CATSPERB: variants seen among roughly 807,000 people sequenced by gnomAD.
CATSPERB encodes the protein catsper channel auxiliary subunit beta, also known as cation channel sperm-associated auxiliary subunit beta.
CATSPERB carries 93 observed loss-of-function variants against 128.3 expected under a neutral mutation model. The observed-to-expected ratio is 0.72, with a 90% CI of 0.61 to 0.86. The LOEUF (loss-of-function observed/expected upper bound fraction) is 0.86. Ranked by LOEUF, CATSPERB falls within the 40% of genes least tolerant of loss-of-function variation. The pLI is 0.00. For missense variants in CATSPERB, 1,153 were observed against 1,329.5 expected, an observed-to-expected ratio of 0.87 and a Z score of 2.06; for synonymous variants, 381 against 448.8, an observed-to-expected ratio of 0.85 and a Z score of 1.91.
At position 91,659,920 on chromosome 14, in the gene CATSPERB, A is replaced by G. The variant is rs1894846149; in HGVS notation, c.1349T>C (p.Ile450Thr). 1.2e-6 allele frequency: 2 copies of G among 1,604,854 alleles called. No homozygotes were observed. The highest frequency in any genetic ancestry group is 1.1e-5 in the South Asian group (1 of 88,510). Residue 450 changes from isoleucine (I) to threonine (T), a missense_variant, in exon 15 of 27, where the codon ATC becomes ACC. Coordinates refer to ENST00000256343, the MANE Select transcript of CATSPERB (RefSeq NM_024764.4). ...AAAACTATGAAAAGTCTTCTTTATG[A>G]TATCATCATGAAAGTTAGCTATTAA... is the stretch of plus-strand genomic sequence containing the variant. The part of the protein sequence containing the change: ...FQLIANFHDD[I>T]IKKTFHSFYT...
chr14:91,720,733 TC>T (rs1896013669), intron 4 of CATSPERB, among the ~76,000 whole-genome samples: 1 of 152,246 alleles, frequency 6.6e-6, no homozygotes, highest in Admixed American at 6.5e-5. Flanking sequence ...GGCAAGCTTA[TC>T]CTAAAATTCA....
At chr14:91,710,074 G>C (rs1335755497) in intron 5 of CATSPERB, 1 of 154,424 alleles carries the variant, frequency 6.5e-6, no homozygotes, top group Non-Finnish European at 1.5e-5. Context: ...TCCAGAGGTG[G>C]AATTTGAAGA....
At chr14:91,658,162 G>A (rs1043982173) in intron 15 of CATSPERB, among the ~76,000 whole-genome samples, 1 of 152,036 alleles carries the variant, frequency 6.6e-6, no homozygotes, top group Middle Eastern at 3.2e-3. Context: ...AATGAATAAA[G>A]AAAATATGGT....
chr14:91,664,497 C>A (rs558667109), intron 14 of CATSPERB, among the ~76,000 whole-genome samples: 11 of 152,222 alleles, frequency 7.2e-5, no homozygotes, highest in African/African-American at 2.6e-4. Context: ...AACTCCTGAC[C>A]TCAGGTGATC....
At chr14:91,626,165 A>G (rs957997799) in intron 17 of CATSPERB, among the ~76,000 whole-genome samples, 1 of 152,058 alleles carries the variant, frequency 6.6e-6, no homozygotes, top group African/African-American at 2.4e-5. Context: ...CACAGACTTA[A>G]ATATAAAATG....
chr14:91,640,161 C>T (rs899657015), intron 15 of CATSPERB, among the ~76,000 whole-genome samples: 1 of 152,152 alleles, frequency 6.6e-6, no homozygotes, highest in Non-Finnish European at 1.5e-5. Flanking sequence ...AAACCTCCTC[C>T]AGCCCCAGCC....
In CATSPERB at chr14:91,624,800, TATG is replaced by T. The variant is rs757636481; in HGVS notation, c.1930+17_1930+19del. 2.8e-5 allele frequency: 43 copies of T among 1,531,214 alleles called. No individual in the cohort carries two copies. The Admixed American group carries it at 5.8e-4, about 21-fold the overall frequency. 94.9% of individuals were successfully genotyped at this position (1,531,214 alleles called of 1,614,324 possible). On this transcript the variant is annotated intron_variant, in intron 18 of 26. Coordinates refer to ENST00000256343, the MANE Select transcript of CATSPERB (RefSeq NM_024764.4). Reference sequence around the variant, plus strand: ...CATTTTTTTCTAGCCATCAGAGATGTATGATATTATTATACCTACCTTGTGAAT... The same window carrying T: ...CATTTTTTTCTAGCCATCAGAGATGTATATTATTATACCTACCTTGTGAAT...
At position 91,711,153 on chromosome 14, in the gene CATSPERB, T is replaced by C. The variant is rs186533734; in HGVS notation, c.371-2917A>G. On this transcript the variant is annotated intron_variant, in intron 5 of 26. Transcript: ENST00000256343. ...TCTCCTCCACTGTCTTAGACTTTTG[T>C]CTTCCTCCACCTGATTATATTTTCA... Among the ~76,000 whole-genome samples, 4 of 152,312 alleles carry C rather than the reference T, an allele frequency of 2.6e-5. No individual in the cohort carries two copies. In the East Asian group the frequency reaches 7.7e-4, roughly 29 times the overall value.
intron 14 of CATSPERB, among the ~76,000 whole-genome samples, chr14:91,668,561 G>T (rs996124147): frequency 4.6e-5 from 7 of 152,168 alleles, no homozygotes; most frequent in Non-Finnish European, 8.8e-5. Flanking sequence ...AGCTACTCGG[G>T]ACCCCTTCCA....
intron 19 of CATSPERB, among the ~76,000 whole-genome samples, chr14:91,618,825 C>T (rs1893990799): frequency 6.6e-6 from 1 of 152,290 alleles, no homozygotes; most frequent in South Asian, 2.1e-4. Context: ...CCAAAGTGAC[C>T]TGGCCAGTGC....
intron 2 of CATSPERB, among the ~76,000 whole-genome samples, chr14:91,726,806 T>C (rs931733716): frequency 2.6e-5 from 4 of 152,194 alleles, no homozygotes; most frequent in African/African-American, 7.2e-5. Context: ...AAATGTCAGA[T>C]GGTCCCCTCA....
At chr14:91,722,476 G>A (rs1311054185) in intron 4 of CATSPERB, among the ~76,000 whole-genome samples, 5 of 152,162 alleles carry the variant, frequency 3.3e-5, no homozygotes, top group African/African-American at 1.2e-4. Context: ...AAGATTAGTG[G>A]TTGTCTAGGG....
intron 11 of CATSPERB, among the ~76,000 whole-genome samples, chr14:91,678,415 C>T (rs1566728612): frequency 6.6e-6 from 1 of 152,086 alleles, no homozygotes. Context: ...GATTATATTG[C>T]TATCTTGTGG....
chr14:91,664,264 T>C (rs867478673), intron 14 of CATSPERB, among the ~76,000 whole-genome samples: 48,112 of 105,936 alleles, frequency 0.45, 8,995 homozygotes, highest in Middle Eastern at 0.51. Context: ...CATGTCTTTT[T>C]TTTTTTTTTT....
At chr14:91,710,225 C>T (rs965997802) in intron 5 of CATSPERB, 1 of 152,100 alleles carries the variant, frequency 6.6e-6, no homozygotes, top group Non-Finnish European at 1.5e-5. Flanking sequence ...GCTGTTAAAA[C>T]CTTTGTTATT....
chr14:91,647,451 C>T (rs1021306663), intron 15 of CATSPERB, among the ~76,000 whole-genome samples: 2 of 152,176 alleles, frequency 1.3e-5, no homozygotes, highest in African/African-American at 4.8e-5. Flanking sequence ...TGTGTGCCCT[C>T]TTTACCTCTC....
intron 19 of CATSPERB, among the ~76,000 whole-genome samples, chr14:91,618,296 T>C (rs545460403): frequency 9.8e-5 from 15 of 152,302 alleles, no homozygotes; most frequent in African/African-American, 3.4e-4. Context: ...AAGGTCTCTA[T>C]GACCTGTATC....
In CATSPERB at chr14:91,603,573, C is replaced by T. The variant is rs140551305; in HGVS notation, c.2709+4721G>A. 3.8e-4 allele frequency: 252 copies of T among 662,944 alleles called. 3 individuals are homozygous for T. The highest frequency in any genetic ancestry group is 3.5e-3 in the African/African-American group (196 of 55,240). 41.1% of individuals were successfully genotyped at this position (662,944 alleles called of 1,614,324 possible). On this transcript the variant is annotated intron_variant, in intron 22 of 26. Coordinates refer to ENST00000256343, the MANE Select transcript of CATSPERB (RefSeq NM_024764.4). ...CCACCGCTCTAGAGCCTGAGAAGCG[C>T]GCACTGCCCTCAGAAGAGAGGTTTA... is the stretch of plus-strand genomic sequence containing the variant.
rs926902706 is a variant in CATSPERB, at chr14:91,715,413, A to C, written c.370+4005T>G. ...CCCGTCTCTACTAAAAATACAAAAA[A>C]ATTAGCCAGGCGCCTGTAATCCCAG... On this transcript the variant is annotated intron_variant, in intron 5 of 26. Transcript: ENST00000256343. Among the ~76,000 whole-genome samples the C allele has an allele frequency of 3.9e-5, 6 of 151,970 alleles. No homozygotes were observed. The South Asian group carries it at 1.2e-3, about 32-fold the overall frequency.
Sources: allele counts gnomAD v4.1 joint callset (sites outside exome capture counted in the v4.1 genomes callset), GRCh38; gene constraint gnomAD v4.1.1; transcripts MANE v1.5; gene names NCBI Gene and HGNC (gene_info 2026-07-23, HGNC 2026-07-21).